Variants in GPM6A observed in about 807,000 individuals in gnomAD.
GPM6A encodes the protein neuronal membrane glycoprotein M6-a.
GPM6A carries 7 observed loss-of-function variants against 32.1 expected under a neutral mutation model. The ratio of observed to expected loss-of-function variants is 0.22; its 90% confidence interval spans 0.12 to 0.41. The LOEUF (loss-of-function observed/expected upper bound fraction) is 0.41. Among genes scored for constraint, GPM6A ranks in the 10% least tolerant of loss-of-function variants. GPM6A has a pLI of 1.00. For missense variants in GPM6A, 235 were observed against 347.2 expected (o/e 0.68, Z 2.57); for synonymous variants, 130 against 123.4 (o/e 1.05, Z -0.35).
intron 1 of GPM6A, chr4:175,806,920 G>T (rs1734718524): frequency 6.6e-6 from 1 of 152,172 alleles, no homozygotes; most frequent in Non-Finnish European, 1.5e-5. Flanking sequence ...GACAGCATTT[G>T]CTGAGACGAA....
At chr4:175,838,552 A>G (rs1308584075) in intron 1 of GPM6A, among the ~76,000 whole-genome samples, 1 of 151,480 alleles carries the variant, frequency 6.6e-6, no homozygotes, top group Non-Finnish European at 1.5e-5. Context: ...AAGTGTTGTT[A>G]CTACATCCCC....
Position 175,884,642 on chromosome 4 carries a change from G to A in GPM6A, c.-22-72393C>T, listed in dbSNP as rs139489896. Among the ~76,000 whole-genome samples the A allele has an allele frequency of 3.5e-3, 536 of 151,842 alleles. 2 individuals are homozygous for A. Among genetic ancestry groups the A allele is most frequent in the African/African-American group, 0.012 (487 of 41,406 alleles). ...CACCTCCTGGGTTCAAGCAATTCTC[G>A]TGCCTCAGCCTCTCGAGTAGCTGGG... On this transcript the variant is annotated intron_variant, in intron 1 of 7. Coordinates refer to the GPM6A transcript ENST00000280187.
intron 2 of GPM6A, among the ~76,000 whole-genome samples, chr4:175,698,848 A>G (rs902351770): frequency 1.3e-5 from 2 of 152,210 alleles, no homozygotes; most frequent in African/African-American, 4.8e-5. Context: ...CAAATTAAGC[A>G]TATAATCTCC....
chr4:175,831,970 C>T (rs1332879978), intron 1 of GPM6A, among the ~76,000 whole-genome samples: 1 of 151,912 alleles, frequency 6.6e-6, no homozygotes, highest in Admixed American at 6.6e-5. Context: ...CCACCCTCCT[C>T]GGCTTGCCAA....
intron 1 of GPM6A, among the ~76,000 whole-genome samples, chr4:175,997,473 T>C (rs78811710): frequency 0.024 from 3,588 of 151,720 alleles, 55 homozygotes; most frequent in Middle Eastern, 0.068. Flanking sequence ...GTTTTTTTTT[T>C]CTCTAATAGT....
chr4:175,974,615 T>C (rs1740605610), intron 1 of GPM6A, among the ~76,000 whole-genome samples: 1 of 152,078 alleles, frequency 6.6e-6, no homozygotes, highest in South Asian at 2.1e-4. Context: ...CTATTCAACA[T>C]GACCACAAGG....
At position 175,634,626 on chromosome 4, in the gene GPM6A, G is replaced by T; in HGVS notation, c.*279C>A. The T allele has an allele frequency of 3.1e-6, 1 of 320,216 alleles. No individual in the cohort carries two copies. Among genetic ancestry groups the T allele is most frequent in the Non-Finnish European group, 5.7e-6 (1 of 175,522 alleles). The allele number at this position is 320,216 out of a possible 1,614,324, so 19.8% of individuals were successfully genotyped here. The stretch of plus-strand genomic sequence containing the variant: ...CAAACAAATCTTTGCATTTGACAAT[G>T]TTAGTATCTTTGATTTTACAGAACT... On this transcript the variant is annotated 3_prime_UTR_variant, in exon 7 of 7. Coordinates refer to ENST00000393658, the MANE Select transcript of GPM6A (RefSeq NM_201591.3).
intron 1 of GPM6A, chr4:175,970,779 A>T (rs1740476736): frequency 2.3e-6 from 1 of 430,444 alleles, no homozygotes; most frequent in Admixed American, 2.8e-5. Flanking sequence ...ACTAAAAGAA[A>T]AGCAAGATTT....
intron 1 of GPM6A, chr4:175,811,950 G>T (rs977128494): frequency 1.8e-5 from 7 of 390,612 alleles, no homozygotes; most frequent in South Asian, 1.2e-4. Context: ...CTACAATACC[G>T]CAATGCTCTT....
rs1579461363 is a variant in GPM6A at position 175,753,730 on chromosome 4, A to G, written c.38-51963T>C. ...TTCTGCTTTCTTTACTTTCCAACCC[A>G]GCATGCACACAATTTTGACATATTT... On this transcript the variant is annotated intron_variant, in intron 1 of 6. Coordinates refer to ENST00000393658, the MANE Select transcript of GPM6A (RefSeq NM_201591.3). Among the ~76,000 whole-genome samples the G allele has an allele frequency of 2.6e-5, 4 of 152,130 alleles. No homozygotes were observed. The East Asian group carries it at 7.7e-4, about 29-fold the overall frequency.
chr4:175,746,975 T>C (rs1732128957), intron 1 of GPM6A, among the ~76,000 whole-genome samples: 2 of 152,062 alleles, frequency 1.3e-5, no homozygotes, highest in Non-Finnish European at 2.9e-5. Flanking sequence ...AATACATTTT[T>C]AAAGAAAGAA....
chr4:175,834,028 A>T lies in GPM6A; in HGVS notation c.-22-21779T>A, dbSNP rs1311187693. Reference sequence around the variant, plus strand: ...AAGTTGGTCCTATTAGGTTTTGTGTAGCTACCCTACTAGATATCAGAGAGA... The same window carrying T: ...AAGTTGGTCCTATTAGGTTTTGTGTTGCTACCCTACTAGATATCAGAGAGA... On this transcript the variant is annotated intron_variant, in intron 1 of 7. Coordinates refer to the GPM6A transcript ENST00000280187. 2.6e-5 allele frequency among the ~76,000 whole-genome samples: 4 copies of T among 152,130 alleles called. No individual in the cohort carries two copies. The East Asian group carries it at 7.7e-4, about 29-fold the overall frequency.
chr4:175,670,542 G>A (rs575444061), intron 3 of GPM6A, among the ~76,000 whole-genome samples: 2 of 152,240 alleles, frequency 1.3e-5, no homozygotes, highest in South Asian at 4.1e-4. Context: ...ACATGTATTT[G>A]TACTCAATTT....
intron 1 of GPM6A, among the ~76,000 whole-genome samples, chr4:175,912,860 C>T (rs73014008): frequency 0.13 from 20,272 of 152,044 alleles, 1,456 homozygotes; most frequent in South Asian, 0.27. Flanking sequence ...ATACCTGTCA[C>T]CTTGTAGGTG....
intron 1 of GPM6A, chr4:175,906,927 TA>T (rs1217696487): frequency 6.6e-6 from 1 of 152,092 alleles, no homozygotes; most frequent in Non-Finnish European, 1.5e-5. Context: ...TGTTAATAGG[TA>T]AAATTACCTT....
intron 1 of GPM6A, among the ~76,000 whole-genome samples, chr4:175,992,505 G>T (rs868318654): frequency 6.6e-6 from 1 of 152,138 alleles, no homozygotes; most frequent in African/African-American, 2.4e-5. Context: ...AGGATGTGGG[G>T]CTCAATACAA....
chr4:175,739,910 T>C lies in GPM6A; in HGVS notation c.38-38143A>G, dbSNP rs541806831. Among the ~76,000 whole-genome samples, 82 of 152,152 alleles carry C rather than the reference T, an allele frequency of 5.4e-4. No homozygotes were observed. The South Asian group carries it at 0.017, about 31-fold the overall frequency. ...AAATAAGAGTTTTGTCAATGATCAT[T>C]TTATTCCACAAAAGTGAAAATTACA... On this transcript the variant is annotated intron_variant, in intron 1 of 6. Transcript: ENST00000393658.
At chr4:175,745,781 C>T (rs78043431) in intron 1 of GPM6A, among the ~76,000 whole-genome samples, 2 of 152,086 alleles carry the variant, frequency 1.3e-5, no homozygotes, top group Admixed American at 6.6e-5. Flanking sequence ...CCAAGGTGTA[C>T]GTTGCGAAGT....
intron 1 of GPM6A, among the ~76,000 whole-genome samples, chr4:175,934,160 C>T (rs1025903878): frequency 4.6e-5 from 7 of 152,146 alleles, no homozygotes; most frequent in Non-Finnish European, 1.0e-4. Flanking sequence ...ACATGGGTTT[C>T]ACATTTGTCA....
Sources: gnomAD v4.1 joint callset for allele counts (sites outside exome capture counted in the v4.1 genomes callset) on GRCh38, gnomAD v4.1.1 for gene constraint, MANE v1.5 for transcripts, NCBI Gene and HGNC (gene_info 2026-07-23, HGNC 2026-07-21) for gene names.